POTEC: variants seen among roughly 807,000 people sequenced by gnomAD.
The protein encoded by POTEC is POTE ankyrin domain family member C, also known as ANKRD26-like family B member 2.
A neutral mutation model predicts 62.0 loss-of-function variants in POTEC; 35 were observed. The ratio of observed to expected loss-of-function variants is 0.56; its 90% CI spans 0.43 to 0.75. The LOEUF (loss-of-function observed/expected upper bound fraction) is 0.75, where lower values mean the gene tolerates loss of function less well. Ranked by LOEUF, POTEC falls within the 30% of genes least tolerant of loss-of-function variation. The probability of loss-of-function intolerance (pLI) is 0.00; values close to 1 mark genes in which losing one functional copy is unlikely to be tolerated. For missense variants in POTEC, 472 were observed against 655.9 expected (o/e 0.72, Z 3.06); for synonymous variants, 156 against 221.5 (o/e 0.70, Z 2.62).
In POTEC at chr18:14,542,796, C is replaced by T; in HGVS notation, c.351G>A (p.Val117=). The T allele has an allele frequency of 6.2e-7, 1 of 1,613,754 alleles. No homozygotes were observed. The highest frequency in any genetic ancestry group is 8.5e-7 in the Non-Finnish European group (1 of 1,179,792). Residue 117 remains valine, a synonymous_variant, in exon 1 of 11, where the codon GTG becomes GTA. Transcript: ENST00000358970. The part of the protein sequence containing the change: ...PCCRGSGKSN[V]GAWGDYDDSA... Reference sequence around the variant, plus strand: ...TGTCGTCGTAGTCTCCCCAAGCGCCCACGTTGCTCTTGCCGCTCCCCCTGC... The same window carrying T: ...TGTCGTCGTAGTCTCCCCAAGCGCCTACGTTGCTCTTGCCGCTCCCCCTGC...
intron 6 of POTEC, among the ~76,000 whole-genome samples, chr18:14,525,427 A>G (rs1194212436): frequency 2.0e-5 from 3 of 152,138 alleles, no homozygotes; most frequent in Admixed American, 2.0e-4. Flanking sequence ...GAGAAGCCAG[A>G]GCCCACAGGT....
At chr18:14,540,992 G>A (rs1248807662) in intron 1 of POTEC, among the ~76,000 whole-genome samples, 1 of 152,098 alleles carries the variant, frequency 6.6e-6, no homozygotes, top group Non-Finnish European at 1.5e-5. Context: ...CCTGGTTCAA[G>A]CAATTCTCCT....
At chr18:14,532,506 T>C (rs1028848889) in intron 5 of POTEC, among the ~76,000 whole-genome samples, 11 of 152,024 alleles carry the variant, frequency 7.2e-5, no homozygotes, top group African/African-American at 1.4e-4. Context: ...AGGTCAACAA[T>C]TACCAGGCAG....
chr18:14,538,804 T>C (rs940873708), intron 1 of POTEC, among the ~76,000 whole-genome samples: 3 of 152,236 alleles, frequency 2.0e-5, no homozygotes, highest in Non-Finnish European at 4.4e-5. Context: ...AAGATGGTCA[T>C]TGTCTCCATG....
rs144693331 is a variant in POTEC, at chr18:14,519,050, G to A, written c.1409+3204C>T. On this transcript the variant is annotated intron_variant, in intron 9 of 10. Transcript: ENST00000358970. Reference sequence around the variant, plus strand: ...GTCTATGACACTCATCTAGACTGCAGATGAGGGTGGCTCAGATGTATGAGA... The same window carrying A: ...GTCTATGACACTCATCTAGACTGCAAATGAGGGTGGCTCAGATGTATGAGA... Among the ~76,000 whole-genome samples the A allele has an allele frequency of 6.3e-3, 958 of 152,330 alleles. 21 individuals are homozygous for A. Among genetic ancestry groups the A allele is most frequent in the South Asian group, 0.057 (277 of 4,822 alleles).
At chr18:14,529,282 A>G (rs1409884696) in intron 6 of POTEC, among the ~76,000 whole-genome samples, 1 of 152,158 alleles carries the variant, frequency 6.6e-6, no homozygotes, top group Non-Finnish European at 1.5e-5. Flanking sequence ...GTTCTGTAAC[A>G]TTAGAAAAAT....
chr18:14,513,865 T>C (rs1910079534), intron 9 of POTEC, 80 bp from the exon 10 acceptor site: 1 of 1,595,640 alleles, frequency 6.3e-7, no homozygotes, highest in Non-Finnish European at 8.5e-7. Flanking sequence ...CCATCAGATG[T>C]CATTCACACA....
At chr18:14,516,074 A>G (rs1329869557) in intron 9 of POTEC, among the ~76,000 whole-genome samples, 1 of 150,580 alleles carries the variant, frequency 6.6e-6, no homozygotes, top group Non-Finnish European at 1.5e-5. Flanking sequence ...GCTGGTGGGG[A>G]TACAAATTAG....
chr18:14,507,404 C>A lies in POTEC; in HGVS notation c.*4494G>T, dbSNP rs984416079. 7 of 151,416 alleles carry A rather than the reference C, an allele frequency of 4.6e-5. No individual in the cohort carries two copies. The highest frequency in any genetic ancestry group is 1.7e-4 in the African/African-American group (7 of 41,218). The allele number at this position is 151,416 out of a possible 1,614,324, so 9.4% of individuals were successfully genotyped here. On this transcript the variant is annotated 3_prime_UTR_variant, in exon 11 of 11. Transcript: ENST00000358970. ...TCAGAAACTAGGAGTGCAACACCTG[C>A]TTTTTTCTGTTTTCCATTTCCTTGA...
intron 9 of POTEC, among the ~76,000 whole-genome samples, chr18:14,520,902 A>C (rs1255052256): frequency 7.9e-5 from 12 of 152,130 alleles, no homozygotes. Context: ...TAGAGCCCAG[A>C]AAGTCAAGGC....
chr18:14,536,713 T>C (rs1383593872), intron 3 of POTEC, among the ~76,000 whole-genome samples: 1 of 152,118 alleles, frequency 6.6e-6, no homozygotes, highest in African/African-American at 2.4e-5. Flanking sequence ...CTCATCCACA[T>C]AAACAATTCC....
chr18:14,539,435 C>A (rs1284457337), intron 1 of POTEC, among the ~76,000 whole-genome samples: 4 of 141,358 alleles, frequency 2.8e-5, no homozygotes, highest in Non-Finnish European at 6.1e-5. Flanking sequence ...TCCCACCCTC[C>A]ACCCTCTGAT....
intron 9 of POTEC, among the ~76,000 whole-genome samples, chr18:14,519,972 GATTT>G (rs1910268585): frequency 1.3e-5 from 2 of 152,058 alleles, no homozygotes; most frequent in Admixed American, 6.5e-5. Flanking sequence ...AAAGTGCCTA[GATTT>G]ATTACAGAAA....
intron 9 of POTEC, among the ~76,000 whole-genome samples, chr18:14,518,206 G>A (rs1019101849): frequency 1.8e-4 from 27 of 152,102 alleles, no homozygotes; most frequent in African/African-American, 6.5e-4. Context: ...AGGCAGTGAG[G>A]ATATTGTAGT....
rs1475088849 is a variant in POTEC at position 14,529,556 on chromosome 18, G to A, written c.1126+927C>T. On this transcript the variant is annotated intron_variant, in intron 6 of 10. Transcript: ENST00000358970. ...GTTTGGATTATACAATGTATTAGGT[G>A]TCCACAACCAGGTGGCATACTAGTA... 4.6e-5 allele frequency among the ~76,000 whole-genome samples: 7 copies of A among 152,166 alleles called. No individual in the cohort carries two copies. The East Asian group carries it at 1.2e-3, about 25-fold the overall frequency.
chr18:14,529,241 C>A (rs980818369), intron 6 of POTEC, among the ~76,000 whole-genome samples: 5 of 152,030 alleles, frequency 3.3e-5, no homozygotes, highest in Non-Finnish European at 7.4e-5. Flanking sequence ...ATGATAATAA[C>A]AAGCTCCTGT....
chr18:14,534,580 C>T (rs557521774), intron 4 of POTEC, among the ~76,000 whole-genome samples: 4 of 151,826 alleles, frequency 2.6e-5, no homozygotes, highest in Non-Finnish European at 5.9e-5. Context: ...AAGTTCAATA[C>T]TGAGTCATAA....
chr18:14,536,572 T>C (rs1905720001), intron 3 of POTEC, among the ~76,000 whole-genome samples: 1 of 151,852 alleles, frequency 6.6e-6, no homozygotes, highest in Non-Finnish European at 1.5e-5. Flanking sequence ...CAGGCTTTAT[T>C]AGACTTACTC....
rs1367736866 is a variant in POTEC at position 14,508,692 on chromosome 18, C to T, written c.*3206G>A. 6.6e-6 allele frequency: 1 copy of T among 152,526 alleles called. No individual in the cohort carries two copies. The highest frequency in any genetic ancestry group is 1.5e-5 in the Non-Finnish European group (1 of 68,022). 9.4% of individuals were successfully genotyped at this position (152,526 alleles called of 1,614,324 possible). ...TTCTTTCACTCAATGAACTTTGTTC[C>T]TACCCATATCCTGAACTCTGCTTGT... On this transcript the variant is annotated 3_prime_UTR_variant, in exon 11 of 11. Coordinates refer to ENST00000358970, the MANE Select transcript of POTEC (RefSeq NM_001137671.2).
Sources: allele counts gnomAD v4.1 joint callset (sites outside exome capture counted in the v4.1 genomes callset), GRCh38; gene constraint gnomAD v4.1.1; transcripts MANE v1.5; gene names NCBI Gene and HGNC (gene_info 2026-07-23, HGNC 2026-07-21).